The following VRK2 variants were observed in gnomAD, a reference collection of about 807,000 sequenced individuals.
The protein encoded by VRK2 is serine/threonine-protein kinase VRK2.
In VRK2, 60 loss-of-function variants were observed where a neutral mutation model predicts 57.6. That is an observed-to-expected ratio of 1.04 (90% CI 0.85 to 1.29). The LOEUF is 1.29. Among genes scored for constraint, VRK2 ranks in the 50% most tolerant of loss-of-function variants. VRK2 has a pLI of 0.00. For synonymous variants in VRK2, 231 were observed against 199.2 expected, an observed-to-expected ratio of 1.16 and a Z score of -1.35; for missense variants, 705 against 588.1, an observed-to-expected ratio of 1.20 and a Z score of -2.06.
chr2:57,951,277 G>A (rs1395552904), intron 1 of VRK2, among the ~76,000 whole-genome samples: 1 of 152,174 alleles, frequency 6.6e-6, no homozygotes, highest in East Asian at 1.9e-4. Flanking sequence ...GGAATAAAAT[G>A]TGGAGCCTGA....
At chr2:58,137,070 C>A (rs1347452003) in intron 10 of VRK2, among the ~76,000 whole-genome samples, 1 of 107,588 alleles carries the variant, frequency 9.3e-6, no homozygotes. Context: ...TATCATATAT[C>A]ATATATAACA....
At chr2:57,971,266 A>G (rs1672089903) in intron 1 of VRK2, among the ~76,000 whole-genome samples, 1 of 152,046 alleles carries the variant, frequency 6.6e-6, no homozygotes, top group African/African-American at 2.4e-5. Context: ...GTACTCACTT[A>G]GCAGTAAATG....
chr2:57,985,522 G>C (rs1345272761), intron 1 of VRK2, among the ~76,000 whole-genome samples: 1 of 151,752 alleles, frequency 6.6e-6, no homozygotes, highest in Non-Finnish European at 1.5e-5. Context: ...TTTTAATACT[G>C]CTCCTATATA....
At chr2:58,047,435 C>G in intron 1 of VRK2, 1 of 985,400 alleles carries the variant, frequency 1.0e-6, no homozygotes, top group African/African-American at 1.7e-5. Context: ...GCTGTCGTTT[C>G]CCTTGGCAGA....
At chr2:57,935,435 G>C (rs1469051121) in intron 1 of VRK2, among the ~76,000 whole-genome samples, 2 of 152,112 alleles carry the variant, frequency 1.3e-5, no homozygotes, top group Non-Finnish European at 2.9e-5. Flanking sequence ...AAATCCTGAA[G>C]TTTTTAGGCC....
intron 10 of VRK2, among the ~76,000 whole-genome samples, chr2:58,138,015 C>G (rs141751305): frequency 1.3e-5 from 2 of 152,252 alleles, no homozygotes; most frequent in African/African-American, 2.4e-5. Flanking sequence ...AACCCCAGTC[C>G]CATGAAGGCT....
intron 7 of VRK2, among the ~76,000 whole-genome samples, chr2:58,114,320 G>C (rs1364066900): frequency 6.6e-6 from 1 of 151,858 alleles, no homozygotes; most frequent in African/African-American, 2.4e-5. Flanking sequence ...AGCTGTGATG[G>C]CTTGGAGAAA....
At chr2:58,018,709 C>T (rs894632311) in intron 1 of VRK2, among the ~76,000 whole-genome samples, 4 of 151,944 alleles carry the variant, frequency 2.6e-5, no homozygotes, top group Admixed American at 2.6e-4. Flanking sequence ...TTTATAGTAG[C>T]GATACAGTAT....
intron 1 of VRK2, among the ~76,000 whole-genome samples, chr2:58,014,249 T>C (rs1175714479): frequency 6.6e-6 from 1 of 152,224 alleles, no homozygotes; most frequent in Admixed American, 6.5e-5. Flanking sequence ...AATTACCAAA[T>C]CTGCATATTG....
chr2:57,964,654 G>A (rs1671857917), intron 1 of VRK2, among the ~76,000 whole-genome samples: 1 of 152,276 alleles, frequency 6.6e-6, no homozygotes, highest in Non-Finnish European at 1.5e-5. Flanking sequence ...GGAGGCCAAG[G>A]TGGGCGGATC....
Position 58,159,379 on chromosome 2 carries a change from G to A in VRK2, c.1213G>A (p.Glu405Lys). The change falls in exon 13 of 13, where the codon GAG (glutamate) becomes AAG (lysine). Residue 405 changes from glutamate (E) to lysine (K), a missense_variant. Physicochemically the swap from Glu to Lys is moderately conservative, Grantham distance 56. Coordinates refer to ENST00000340157, the MANE Select transcript of VRK2 (RefSeq NM_006296.7). Reference protein sequence around the residue: ...ESTRRRQKYQESQEPLNEVNS... With the variant: ...ESTRRRQKYQKSQEPLNEVNS... ...CACAAGGAGAAGACAGAAATATCAA[G>A]AGTCTCAAGAACCTTTGAATGAAGT... 6.2e-7 allele frequency: 1 copy of A among 1,610,346 alleles called. No individual in the cohort carries two copies. Among genetic ancestry groups the A allele is most frequent in the Non-Finnish European group, 8.5e-7 (1 of 1,178,668 alleles).
intron 1 of VRK2, among the ~76,000 whole-genome samples, chr2:57,982,967 G>T (rs1171967417): frequency 1.3e-5 from 2 of 152,126 alleles, no homozygotes; most frequent in Admixed American, 1.3e-4. Context: ...CCCGCAGCTA[G>T]GATCCCAGAG....
intron 1 of VRK2, among the ~76,000 whole-genome samples, chr2:57,996,138 C>A (rs1186597387): frequency 6.6e-6 from 1 of 152,136 alleles, no homozygotes; most frequent in Non-Finnish European, 1.5e-5. Context: ...CCATTTTATA[C>A]AAGGGACTTA....
At chr2:57,977,672 G>T (rs1191293157) in intron 1 of VRK2, among the ~76,000 whole-genome samples, 1 of 151,206 alleles carries the variant, frequency 6.6e-6, no homozygotes, top group Non-Finnish European at 1.5e-5. Context: ...AAGAGAGATC[G>T]TTTGACTTCC....
At chr2:58,134,339 C>T (rs560039225) in intron 9 of VRK2, among the ~76,000 whole-genome samples, 1 of 152,252 alleles carries the variant, frequency 6.6e-6, no homozygotes, top group East Asian at 1.9e-4. Flanking sequence ...GGGCCGGGCG[C>T]GGTGGCTCAC....
intron 2 of VRK2, among the ~76,000 whole-genome samples, chr2:58,061,415 A>C (rs1677319096): frequency 6.6e-6 from 1 of 152,000 alleles, no homozygotes. Flanking sequence ...TATATACATT[A>C]GTGTATTATA....
chr2:58,137,882 C>CT (rs1287654789), intron 10 of VRK2, among the ~76,000 whole-genome samples: 1 of 152,158 alleles, frequency 6.6e-6, no homozygotes, highest in African/African-American at 2.4e-5. Flanking sequence ...TCTTGAAAGA[C>CT]TAACATTTAA....
rs1671619445 is a variant in VRK2, at chr2:58,086,341, A to G, written c.259A>G (p.Lys87Glu). Reference sequence around the variant, plus strand: ...TAAAAATAAATTTGTCTTTGTAGTCAAAAAGTGGATAGAACGCAAACAACT... The same window carrying G: ...TAAAAATAAATTTGTCTTTGTAGTCGAAAAGTGGATAGAACGCAAACAACT... ...YQRVAKKDCI[K>E]KWIERKQLDY... The change falls in exon 5 of 13, where the codon AAA becomes GAA. Residue 87 changes from lysine to glutamate, a missense_variant and splice_region_variant. By Grantham distance (56) the Lys-to-Glu change is moderately conservative. Coordinates refer to ENST00000340157, the MANE Select transcript of VRK2 (RefSeq NM_006296.7). 6.2e-7 allele frequency: 1 copy of G among 1,600,552 alleles called. No individual in the cohort carries two copies. Among genetic ancestry groups the G allele is most frequent in the Non-Finnish European group, 8.5e-7 (1 of 1,175,724 alleles).
chr2:58,005,440 G>A (rs2103633841), intron 1 of VRK2, among the ~76,000 whole-genome samples: 1 of 151,882 alleles, frequency 6.6e-6, no homozygotes, highest in South Asian at 2.1e-4. Context: ...AGTTGTTTCT[G>A]GTCTTCTAAA....
Sources: gnomAD v4.1 joint callset for allele counts (sites outside exome capture counted in the v4.1 genomes callset) on GRCh38, gnomAD v4.1.1 for gene constraint, MANE v1.5 for transcripts, NCBI Gene and HGNC (gene_info 2026-07-23, HGNC 2026-07-21) for gene names.